The following CACNG4 variants were observed in gnomAD, a reference collection of about 807,000 sequenced individuals.
CACNG4 encodes voltage-dependent calcium channel gamma-4 subunit.
In CACNG4, 8 loss-of-function variants were observed where a neutral mutation model predicts 22.9. That is an observed-to-expected ratio of 0.35 (90% CI 0.21 to 0.63). The LOEUF is 0.63. Ranked by LOEUF, CACNG4 falls within the 30% of genes least tolerant of loss-of-function variation. The probability of loss-of-function intolerance (pLI) is 0.72; values close to 1 mark genes in which losing one functional copy is unlikely to be tolerated. For synonymous variants in CACNG4, 188 were observed against 191.9 expected, an observed-to-expected ratio of 0.98 and a Z score of 0.17; for missense variants, 357 against 455.4, an observed-to-expected ratio of 0.78 and a Z score of 1.97.
intron 2 of CACNG4, among the ~76,000 whole-genome samples, chr17:67,020,974 C>T (rs1399940770): frequency 1.3e-5 from 2 of 152,168 alleles, no homozygotes; most frequent in Non-Finnish European, 2.9e-5. Context: ...GAGGCCAAGG[C>T]GTGAAGATCG....
intron 1 of CACNG4, among the ~76,000 whole-genome samples, chr17:66,971,201 G>A (rs1432544444): frequency 1.3e-5 from 2 of 151,504 alleles, no homozygotes; most frequent in Non-Finnish European, 2.9e-5. Context: ...ACGGTGGGTC[G>A]GTGTGGCCTC....
intron 3 of CACNG4, among the ~76,000 whole-genome samples, chr17:67,029,603 C>A (rs1598128480): frequency 6.6e-6 from 1 of 152,196 alleles, no homozygotes; most frequent in African/African-American, 2.4e-5. Flanking sequence ...CACTGCACTC[C>A]AACCTGGGCG....
At chr17:67,019,867 C>A (rs1209700959) in intron 2 of CACNG4, 1 of 152,226 alleles carries the variant, frequency 6.6e-6, no homozygotes, top group African/African-American at 2.4e-5. Context: ...GATGCAGAAG[C>A]CCAGAGGTCA....
chr17:66,994,349 C>G (rs929089863), intron 1 of CACNG4, among the ~76,000 whole-genome samples: 6 of 149,624 alleles, frequency 4.0e-5, no homozygotes, highest in Non-Finnish European at 7.4e-5. Context: ...AAAAAAACTG[C>G]GCCTCCGCTA....
At chr17:66,976,953 A>G (rs3785598) in intron 1 of CACNG4, among the ~76,000 whole-genome samples, 66,335 of 151,952 alleles carry the variant, frequency 0.44, 15,012 homozygotes, top group Non-Finnish European at 0.5. Context: ...CATCCAGCAA[A>G]TGCTGCCAAG....
At chr17:67,025,112 T>G in intron 3 of CACNG4, 112 bp downstream of exon 3, 1 of 1,001,540 alleles carries the variant, frequency 1.0e-6, no homozygotes, top group Non-Finnish European at 1.4e-6. Flanking sequence ...AATGCAGACA[T>G]AACATCGCCA....
chr17:66,995,686 C>G (rs1305021305), intron 1 of CACNG4, among the ~76,000 whole-genome samples: 1 of 152,078 alleles, frequency 6.6e-6, no homozygotes, highest in Non-Finnish European at 1.5e-5. Context: ...CCCGTCTCTA[C>G]TAAAAATACA....
At chr17:66,977,961 C>T (rs952753042) in intron 1 of CACNG4, among the ~76,000 whole-genome samples, 1 of 152,168 alleles carries the variant, frequency 6.6e-6, no homozygotes, top group African/African-American at 2.4e-5. Flanking sequence ...GTTAGGGGCT[C>T]CTCCCGGACG....
intron 1 of CACNG4, among the ~76,000 whole-genome samples, chr17:66,970,402 C>G (rs1324391975): frequency 6.6e-6 from 1 of 152,108 alleles, no homozygotes; most frequent in Admixed American, 6.5e-5. Flanking sequence ...CTGGGAAGTC[C>G]AAGATTAAGG....
intron 2 of CACNG4, 21 bp from the exon 3 acceptor site, chr17:67,024,839 G>A (rs777453662): frequency 2.0e-6 from 3 of 1,514,194 alleles, no homozygotes; most frequent in Non-Finnish European, 2.7e-6. Flanking sequence ...TCTGCTTTGT[G>A]CCCCCCACCT....
chr17:67,008,486 G>A (rs1004551390), intron 1 of CACNG4, among the ~76,000 whole-genome samples: 5 of 152,182 alleles, frequency 3.3e-5, no homozygotes, highest in Admixed American at 1.3e-4. Flanking sequence ...CTGAGGCATG[G>A]GGAATCAAGG....
At chr17:67,001,977 CA>C (rs1567755293) in intron 1 of CACNG4, among the ~76,000 whole-genome samples, 1 of 152,170 alleles carries the variant, frequency 6.6e-6, no homozygotes. Context: ...ACCAAGTGAC[CA>C]AGAAGCACTA....
At chr17:67,000,779 A>G (rs1051260074) in intron 1 of CACNG4, among the ~76,000 whole-genome samples, 2 of 152,164 alleles carry the variant, frequency 1.3e-5, no homozygotes, top group Non-Finnish European at 2.9e-5. Context: ...GGCACAAGTT[A>G]TCCTTGGGGA....
chr17:66,990,675 ATTTTAT>A (rs760521565), intron 1 of CACNG4, among the ~76,000 whole-genome samples: 3,332 of 143,422 alleles, frequency 0.023, 49 homozygotes, highest in Middle Eastern at 0.073. Flanking sequence ...ATTTTATTTT[ATTTTAT>A]TTTATTTATT....
chr17:67,017,576 G>T (rs963563975), intron 1 of CACNG4, among the ~76,000 whole-genome samples: 1 of 151,948 alleles, frequency 6.6e-6, no homozygotes, highest in African/African-American at 2.4e-5. Context: ...GGAGTGCAGT[G>T]GCGCGATCTT....
chr17:67,011,550 C>T (rs1453985468), intron 1 of CACNG4, among the ~76,000 whole-genome samples: 1 of 152,148 alleles, frequency 6.6e-6, no homozygotes, highest in Non-Finnish European at 1.5e-5. Context: ...CCGTGAGGGC[C>T]AGGACTCCGT....
At chr17:67,022,580 A>T (rs1308977327) in intron 2 of CACNG4, among the ~76,000 whole-genome samples, 1 of 152,244 alleles carries the variant, frequency 6.6e-6, no homozygotes, top group African/African-American at 2.4e-5. Context: ...TGAAGCAGGG[A>T]CACACACTGA....
chr17:67,029,143 G>C (rs956992027), intron 3 of CACNG4, among the ~76,000 whole-genome samples: 14 of 151,274 alleles, frequency 9.3e-5, no homozygotes, highest in Non-Finnish European at 2.1e-4. Context: ...GACCAGCCTA[G>C]CCACATGGTG....
At chr17:67,018,150 A>C in intron 1 of CACNG4, 39 bp from the exon 2 acceptor site, 1 of 1,481,218 alleles carries the variant, frequency 6.8e-7, no homozygotes, top group Non-Finnish European at 9.4e-7. Context: ...GTGAACCCAG[A>C]CAGCATTTAC....
Sources: gnomAD v4.1 joint callset for allele counts (sites outside exome capture counted in the v4.1 genomes callset) on GRCh38, gnomAD v4.1.1 for gene constraint, MANE v1.5 for transcripts, NCBI Gene and HGNC (gene_info 2026-07-23, HGNC 2026-07-21) for gene names.